Variants in FNDC3B observed in about 807,000 individuals in gnomAD.
The protein encoded by FNDC3B is fibronectin type III domain containing 3B.
In FNDC3B, 12 loss-of-function variants were observed where a neutral mutation model predicts 151.5. The observed-to-expected ratio is 0.08, with a 90% CI of 0.05 to 0.13. The LOEUF (loss-of-function observed/expected upper bound fraction) is 0.13, where lower values mean the gene tolerates loss of function less well. FNDC3B is among the 10% of genes least tolerant of loss of function. The pLI is 1.00. For missense variants in FNDC3B, 1,214 were observed against 1,505.3 expected (o/e 0.81, Z 3.20); for synonymous variants, 528 against 549.0 (o/e 0.96, Z 0.54).
At chr3:172,087,570 G>C (rs748528283) in intron 1 of FNDC3B, among the ~76,000 whole-genome samples, 7 of 152,112 alleles carry the variant, frequency 4.6e-5, no homozygotes, top group Non-Finnish European at 8.8e-5. Flanking sequence ...TTAATCAGTG[G>C]TGTGACCTCT....
intron 22 of FNDC3B, among the ~76,000 whole-genome samples, chr3:172,355,516 AGG>A (rs35691130): frequency 6.0e-5 from 9 of 151,198 alleles, no homozygotes; most frequent in East Asian, 3.9e-4. Context: ...TAGAAAATCT[AGG>A]GGGGGGGCCT....
chr3:172,344,600 G>C (rs1330623137), intron 19 of FNDC3B, among the ~76,000 whole-genome samples: 2 of 152,128 alleles, frequency 1.3e-5, no homozygotes, highest in Non-Finnish European at 2.9e-5. Context: ...TTAGATAATA[G>C]TTCTAATAAA....
intron 1 of FNDC3B, among the ~76,000 whole-genome samples, chr3:172,046,410 G>A (rs1016744363): frequency 1.3e-5 from 2 of 151,606 alleles, no homozygotes; most frequent in African/African-American, 4.8e-5. Context: ...CTATGGCTTC[G>A]AACTCCTGGG....
At chr3:172,154,685 A>G (rs946471305) in intron 3 of FNDC3B, among the ~76,000 whole-genome samples, 42 of 152,284 alleles carry the variant, frequency 2.8e-4, no homozygotes, top group African/African-American at 9.9e-4. Flanking sequence ...ACACTCCCGC[A>G]TACTTAATTG....
At chr3:172,056,586 T>G (rs1426048524) in intron 1 of FNDC3B, among the ~76,000 whole-genome samples, 1 of 152,248 alleles carries the variant, frequency 6.6e-6, no homozygotes, top group African/African-American at 2.4e-5. Context: ...TCTCTCAGTG[T>G]CTTAGCACTC....
chr3:172,244,641 T>TTTTTTTTTTTTTTTTTTTTTTTTC (rs1727681813), intron 4 of FNDC3B, among the ~76,000 whole-genome samples: 1 of 133,744 alleles, frequency 7.5e-6, no homozygotes. Flanking sequence ...TTTTTTTTTT[T>TTTTTTTTTTTTTTTTTTTTTTTTC]TGAGTCGGCG....
At chr3:172,371,968 T>C (rs558727047) in intron 23 of FNDC3B, among the ~76,000 whole-genome samples, 23 of 152,368 alleles carry the variant, frequency 1.5e-4, no homozygotes, top group African/African-American at 5.5e-4. Context: ...TTATGGAACA[T>C]TTAATAAGTG....
At chr3:172,288,949 G>A (rs935654443) in intron 7 of FNDC3B, among the ~76,000 whole-genome samples, 7 of 152,164 alleles carry the variant, frequency 4.6e-5, no homozygotes, top group Non-Finnish European at 2.9e-5. Flanking sequence ...ATGCTTGTTC[G>A]TGCCTCCTGC....
At chr3:172,357,079 G>T (rs1386837442) in intron 22 of FNDC3B, among the ~76,000 whole-genome samples, 1 of 152,214 alleles carries the variant, frequency 6.6e-6, no homozygotes, top group Non-Finnish European at 1.5e-5. Context: ...TCTAAAGCAG[G>T]AGTGTATTTG....
chr3:172,174,028 G>A (rs557826137), intron 3 of FNDC3B, among the ~76,000 whole-genome samples: 2 of 152,282 alleles, frequency 1.3e-5, no homozygotes, highest in Non-Finnish European at 2.9e-5. Context: ...TGCAGAAAAA[G>A]ATGCCCATTG....
chr3:172,202,664 G>C (rs924632222), intron 3 of FNDC3B, among the ~76,000 whole-genome samples: 3 of 152,096 alleles, frequency 2.0e-5, no homozygotes, highest in African/African-American at 7.2e-5. Flanking sequence ...TCTTAAGAAT[G>C]GTCTCATTAA....
intron 3 of FNDC3B, among the ~76,000 whole-genome samples, chr3:172,162,368 C>T (rs1461341687): frequency 6.6e-6 from 1 of 152,188 alleles, no homozygotes; most frequent in Non-Finnish European, 1.5e-5. Context: ...GGATGTATCA[C>T]ACTGTATTAA....
chr3:172,083,362 C>T (rs1428647518), intron 1 of FNDC3B, among the ~76,000 whole-genome samples: 2 of 152,218 alleles, frequency 1.3e-5, no homozygotes, highest in East Asian at 1.9e-4. Flanking sequence ...TTTGGGTTTG[C>T]GTTGCTGCTG....
rs190073773 is a variant in FNDC3B, at chr3:172,349,718, C to T, written c.2514+2357C>T. ...TCACCCAGGCTGGAGTGCAGTGGCG[C>T]GATCTTGGCTCACTGCAACCTCCGC... On this transcript the variant is annotated intron_variant, in intron 21 of 25. Transcript: ENST00000415807. Among the ~76,000 whole-genome samples the T allele has an allele frequency of 4.1e-4, 62 of 152,082 alleles. No homozygotes were observed. The East Asian group carries it at 9.1e-3, about 22-fold the overall frequency.
chr3:172,346,549 T>TTTTC (rs1733625296), intron 20 of FNDC3B, 109 bp downstream of exon 20: 2 of 597,376 alleles, frequency 3.3e-6, no homozygotes, highest in Non-Finnish European at 5.8e-6. Flanking sequence ...TAGATGATTT[T>TTTTC]TTTTTTTTTT....
chr3:172,385,426 T>C (rs1735655747), intron 25 of FNDC3B, among the ~76,000 whole-genome samples: 1 of 152,198 alleles, frequency 6.6e-6, no homozygotes, highest in African/African-American at 2.4e-5. Context: ...AGTAAATGTT[T>C]CCTGCATGCA....
intron 7 of FNDC3B, among the ~76,000 whole-genome samples, chr3:172,287,899 C>T (rs1254786791): frequency 6.6e-6 from 1 of 152,146 alleles, no homozygotes; most frequent in African/African-American, 2.4e-5. Context: ...AGGGTAAGAG[C>T]GTCATCTGAG....
chr3:172,229,683 A>G (rs906992718), intron 4 of FNDC3B, among the ~76,000 whole-genome samples: 3 of 152,228 alleles, frequency 2.0e-5, no homozygotes, highest in Admixed American at 2.0e-4. Context: ...ACTGCGTGGC[A>G]CAAAGTAGGT....
intron 3 of FNDC3B, 36 bp downstream of exon 3, chr3:172,133,582 T>C: frequency 4.8e-6 from 7 of 1,454,726 alleles, no homozygotes; most frequent in African/African-American, 1.4e-5. Context: ...TAATCAAAGA[T>C]TTTTTTCTTT....
Sources: gnomAD v4.1 joint callset for allele counts (sites outside exome capture counted in the v4.1 genomes callset) on GRCh38, gnomAD v4.1.1 for gene constraint, MANE v1.5 for transcripts, NCBI Gene and HGNC (gene_info 2026-07-23, HGNC 2026-07-21) for gene names.